The following DAB2IP variants were observed in gnomAD, a reference collection of about 807,000 sequenced individuals.
DAB2IP encodes DAB2 interacting protein, also known as disabled homolog 2-interacting protein.
In DAB2IP, 28 loss-of-function variants were observed where a neutral mutation model predicts 107.2. The ratio of observed to expected loss-of-function variants is 0.26; its 90% confidence interval spans 0.19 to 0.36. DAB2IP has a LOEUF of 0.36. DAB2IP is among the 10% of genes least tolerant of loss of function. The pLI is 1.00. For missense variants in DAB2IP, 1,400 were observed against 1,644.7 expected (o/e 0.85, Z 2.57); for synonymous variants, 755 against 706.4 (o/e 1.07, Z -1.09).
chr9:121,772,824 G>C lies in DAB2IP; in HGVS notation c.2296G>C (p.Gly766Arg). The stretch of plus-strand genomic sequence containing the variant: ...GGATGGGGAGGCAGGCTCCCCGGCG[G>C]GCCCCGACGTCCTCCCCACAGATGG... Residue 766 changes from glycine to arginine, a missense_variant, in exon 12 of 16, where the codon GGC (glycine) becomes CGC (arginine). By Grantham distance (125) the Gly-to-Arg change is moderately radical. Transcript: ENST00000408936. This position sits in a 1 kb window ranked among gnomAD's most constrained non-coding sequence, Gnocchi z 4.7. 1 of 1,605,538 alleles carries C rather than the reference G, an allele frequency of 6.2e-7. No homozygotes were observed. The highest frequency in any genetic ancestry group is 1.7e-4 in the Middle Eastern group (1 of 6,046).
At chr9:121,724,247 G>T (rs1831098531) in intron 3 of DAB2IP, among the ~76,000 whole-genome samples, 1 of 152,034 alleles carries the variant, frequency 6.6e-6, no homozygotes, top group Non-Finnish European at 1.5e-5. Flanking sequence ...GACCCTGAAT[G>T]GGGAGCACCT....
At chr9:121,668,285 C>T (rs1219032891) in intron 1 of DAB2IP, among the ~76,000 whole-genome samples, 3 of 150,314 alleles carry the variant, frequency 2.0e-5, no homozygotes, top group Non-Finnish European at 3.0e-5. Flanking sequence ...CTCTGCCTCC[C>T]GGGTTCAAGT....
intron 1 of DAB2IP, among the ~76,000 whole-genome samples, chr9:121,652,420 G>T (rs1832783925): frequency 6.6e-6 from 1 of 152,176 alleles, no homozygotes; most frequent in South Asian, 2.1e-4. Flanking sequence ...AGCTCAGGAG[G>T]CAGGACGAGA....
chr9:121,668,175 T>C, intron 1 of DAB2IP, among the ~76,000 whole-genome samples: 1 of 150,044 alleles, frequency 6.7e-6, no homozygotes, highest in East Asian at 2.0e-4. Context: ...CCAAACCATA[T>C]CACCATTTGA....
intron 3 of DAB2IP, among the ~76,000 whole-genome samples, chr9:121,715,438 C>T (rs369236041): frequency 2.0e-5 from 3 of 151,484 alleles, no homozygotes; most frequent in East Asian, 1.9e-4. Flanking sequence ...CTGCAAGCTC[C>T]GCCTCCCAGG....
At chr9:121,590,861 C>A in intron 1 of DAB2IP, among the ~76,000 whole-genome samples, 1 of 152,094 alleles carries the variant, frequency 6.6e-6, no homozygotes. Flanking sequence ...TTAGGGATGC[C>A]CAGCCCGGGA....
chr9:121,653,082 C>T (rs921328715), intron 1 of DAB2IP, among the ~76,000 whole-genome samples: 2 of 152,094 alleles, frequency 1.3e-5, no homozygotes, highest in African/African-American at 4.8e-5. Context: ...GCAATCCCCC[C>T]ACTCCTGCCT....
chr9:121,579,986 T>G (rs1420284821), intron 1 of DAB2IP, among the ~76,000 whole-genome samples: 1 of 152,198 alleles, frequency 6.6e-6, no homozygotes, highest in African/African-American at 2.4e-5. Context: ...TGCCTCAGGA[T>G]CATTCTGGGT....
At chr9:121,608,964 C>T (rs1830986647) in intron 1 of DAB2IP, among the ~76,000 whole-genome samples, 1 of 151,968 alleles carries the variant, frequency 6.6e-6, no homozygotes, top group African/African-American at 2.4e-5. Context: ...GTTTTTGAGA[C>T]AGCGTCTCGC....
At chr9:121,767,927 C>G (rs146578119) in intron 9 of DAB2IP, among the ~76,000 whole-genome samples, 5 of 152,232 alleles carry the variant, frequency 3.3e-5, no homozygotes, top group African/African-American at 1.2e-4. Flanking sequence ...GCCAGAGATT[C>G]TGTCTCAGGT....
At chr9:121,677,695 T>C (rs1828335293) in intron 1 of DAB2IP, among the ~76,000 whole-genome samples, 1 of 152,042 alleles carries the variant, frequency 6.6e-6, no homozygotes, top group Non-Finnish European at 1.5e-5. Context: ...AGAGTCTCAC[T>C]CTGCTGCCCA....
chr9:121,650,956 A>G (rs1228999375), upstream of DAB2IP, among the ~76,000 whole-genome samples: 1 of 152,190 alleles, frequency 6.6e-6, no homozygotes, highest in Non-Finnish European at 1.5e-5. Context: ...AGCCACGGAA[A>G]GCTCTTGAGC....
chr9:121,691,020 T>TA (rs1345005389), intron 2 of DAB2IP, among the ~76,000 whole-genome samples: 1 of 152,232 alleles, frequency 6.6e-6, no homozygotes, highest in Non-Finnish European at 1.5e-5. Flanking sequence ...TCAATGTTTC[T>TA]AAAATGCTGT....
chr9:121,692,031 G>A (rs1430236400), intron 2 of DAB2IP, among the ~76,000 whole-genome samples: 1 of 152,186 alleles, frequency 6.6e-6, no homozygotes, highest in Non-Finnish European at 1.5e-5. Context: ...GAGTTATCTT[G>A]GAAGCCGTTA....
chr9:121,785,239 G>T (rs923143968), exon 16 of DAB2IP: 2 of 152,570 alleles, frequency 1.3e-5, no homozygotes, highest in Non-Finnish European at 2.9e-5. Flanking sequence ...CCTGCGCCCC[G>T]CACGACTGCG....
chr9:121,609,588 G>T (rs1397220062), intron 1 of DAB2IP, among the ~76,000 whole-genome samples: 1 of 152,194 alleles, frequency 6.6e-6, no homozygotes, highest in Non-Finnish European at 1.5e-5. Flanking sequence ...TTAACTCTTT[G>T]CTCCTTCCCT....
intron 1 of DAB2IP, among the ~76,000 whole-genome samples, chr9:121,675,007 G>C (rs954471860): frequency 1.3e-5 from 2 of 152,024 alleles, no homozygotes; most frequent in Non-Finnish European, 2.9e-5. Context: ...TGCCAACCAG[G>C]TTCCATAACT....
chr9:121,569,966 T>TG (rs35589260), intron 1 of DAB2IP, among the ~76,000 whole-genome samples: 46,145 of 151,662 alleles, frequency 0.3, 7,614 homozygotes, highest in African/African-American at 0.4. Flanking sequence ...ATTAAAATTT[T>TG]TGTGTGTGTG....
At chr9:121,773,364 C>T in exon 12 of DAB2IP, 2 of 1,594,432 alleles carry the variant, frequency 1.3e-6, no homozygotes, top group Non-Finnish European at 1.7e-6. Flanking sequence ...CCTGCAGTAC[C>T]CAAGACCCTC....
Sources: allele counts gnomAD v4.1 joint callset (sites outside exome capture counted in the v4.1 genomes callset), GRCh38; gene constraint gnomAD v4.1.1; non-coding constraint Gnocchi (gnomAD v3.1); transcripts MANE v1.5; gene names NCBI Gene and HGNC (gene_info 2026-07-23, HGNC 2026-07-21).